Variants in RASAL2 observed in about 807,000 individuals in gnomAD.
The protein encoded by RASAL2 is RAS protein activator like 2, also known as ras GTPase-activating protein nGAP.
A neutral mutation model predicts 128.9 loss-of-function variants in RASAL2; 58 were observed. That is an observed-to-expected ratio of 0.45 (90% CI 0.36 to 0.56). The LOEUF (loss-of-function observed/expected upper bound fraction) is 0.56, where lower values mean the gene tolerates loss of function less well. RASAL2 is among the 20% of genes least tolerant of loss of function. The pLI, the probability that RASAL2 is intolerant of heterozygous loss-of-function variation, is 0.00. For synonymous variants in RASAL2, 561 were observed against 580.8 expected, an observed-to-expected ratio of 0.97 and a Z score of 0.49; for missense variants, 1,360 against 1,601.6, an observed-to-expected ratio of 0.85 and a Z score of 2.57.
chr1:178,264,362 A>G (rs1665842473), intron 1 of RASAL2, among the ~76,000 whole-genome samples: 1 of 152,178 alleles, frequency 6.6e-6, no homozygotes, highest in African/African-American at 2.4e-5. Flanking sequence ...AGATAGACTT[A>G]TACAGTTTTA....
chr1:178,284,411 T>G (rs184163178), intron 2 of RASAL2, among the ~76,000 whole-genome samples: 1 of 152,316 alleles, frequency 6.6e-6, no homozygotes, highest in East Asian at 1.9e-4. Flanking sequence ...AAGATTGCTT[T>G]TTGATGTATT....
chr1:178,328,470 G>T (rs557692511), intron 3 of RASAL2, among the ~76,000 whole-genome samples: 1 of 152,034 alleles, frequency 6.6e-6, no homozygotes, highest in Non-Finnish European at 1.5e-5. Flanking sequence ...TTACTTTGTT[G>T]TGCTATCAAA....
At chr1:178,245,786 G>T (rs576410072) in intron 1 of RASAL2, among the ~76,000 whole-genome samples, 1 of 152,098 alleles carries the variant, frequency 6.6e-6, no homozygotes, top group Admixed American at 6.6e-5. Flanking sequence ...TTCTGCATAC[G>T]GCTAGCCAGT....
intron 4 of RASAL2, among the ~76,000 whole-genome samples, chr1:178,408,998 G>A (rs751774611): frequency 6.6e-6 from 1 of 152,138 alleles, no homozygotes; most frequent in Non-Finnish European, 1.5e-5. Context: ...CAGTTCCACA[G>A]CCTTAACAGG....
At chr1:178,134,824 A>G (rs1267244616) in intron 1 of RASAL2, among the ~76,000 whole-genome samples, 1 of 152,250 alleles carries the variant, frequency 6.6e-6, no homozygotes, top group East Asian at 1.9e-4. Flanking sequence ...ATCACTGGCT[A>G]CCAAGAGTTG....
In RASAL2 at chr1:178,458,449, G is replaced by T. The variant is rs749699363; in HGVS notation, c.3157G>T (p.Val1053Leu). The T allele has an allele frequency of 6.2e-7, 1 of 1,614,220 alleles. No homozygotes were observed. Among genetic ancestry groups the T allele is most frequent in the East Asian group, 2.2e-5 (1 of 44,876 alleles). ...GTCCGCAGCCCTGGTGGCCGAACCT[G>T]TGCAGAATGGGAGCCGGTCCCGGCA... ...VVSAALVAEP[V>L]QNGSRSRQQS... The change falls in exon 14 of 18, where the codon GTG (valine) becomes TTG (leucine). Residue 1053 changes from valine (V) to leucine (L), a missense_variant. Physicochemically the swap from Val to Leu is conservative, Grantham distance 32 (BLOSUM62 1). Coordinates refer to ENST00000367649, the MANE Select transcript of RASAL2 (RefSeq NM_170692.4).
intron 2 of RASAL2, among the ~76,000 whole-genome samples, chr1:178,286,029 C>T (rs1667008075): frequency 6.6e-6 from 1 of 152,136 alleles, no homozygotes; most frequent in African/African-American, 2.4e-5. Context: ...TCATGAGTAA[C>T]CCTAAACACC....
intron 3 of RASAL2, among the ~76,000 whole-genome samples, chr1:178,304,385 T>C (rs952698520): frequency 6.6e-6 from 1 of 152,200 alleles, no homozygotes; most frequent in Middle Eastern, 3.4e-3. Flanking sequence ...TAGCCAGGCA[T>C]GGTGGCACAC....
At chr1:178,105,036 G>A (rs1444350902) in intron 1 of RASAL2, among the ~76,000 whole-genome samples, 1 of 152,176 alleles carries the variant, frequency 6.6e-6, no homozygotes, top group African/African-American at 2.4e-5. Context: ...TTTTGAACAT[G>A]ATTTGAATAT....
rs753532224 is a variant in RASAL2 at position 178,457,829 on chromosome 1, G to A, written c.2537G>A (p.Arg846Gln). The change falls in exon 14 of 18, where the codon CGG (arginine) becomes CAG (glutamine). Residue 846 changes from arginine (R) to glutamine (Q), a missense_variant. Physicochemically the swap from Arg to Gln is conservative, Grantham distance 43 (BLOSUM62 1). Transcript: ENST00000367649. ...AGGGAAAGTAGCCTTCCTAATGGTC[G>A]GAGCGTCTCCCTCATGGACCTCCAG... ...DERESSLPNGRSVSLMDLQDT... is the reference protein window; with the variant it reads ...DERESSLPNGQSVSLMDLQDT... 2.7e-5 allele frequency: 43 copies of A among 1,614,060 alleles called. No individual in the cohort carries two copies. The highest frequency in any genetic ancestry group is 2.9e-5 in the Non-Finnish European group (34 of 1,180,042).
At chr1:178,446,501 T>G (rs1390036946) in intron 9 of RASAL2, among the ~76,000 whole-genome samples, 1 of 152,230 alleles carries the variant, frequency 6.6e-6, no homozygotes, top group Non-Finnish European at 1.5e-5. Context: ...CAAATACTAT[T>G]TAATGGTTTA....
intron 1 of RASAL2, among the ~76,000 whole-genome samples, chr1:178,221,026 T>C (rs1663596527): frequency 6.6e-6 from 1 of 152,214 alleles, no homozygotes. Flanking sequence ...TGTACCATTT[T>C]TGTGTTCCCA....
At chr1:178,413,281 G>T (rs766948219) in intron 4 of RASAL2, among the ~76,000 whole-genome samples, 13 of 152,116 alleles carry the variant, frequency 8.5e-5, no homozygotes, top group Non-Finnish European at 1.6e-4. Context: ...TCTTAACAAG[G>T]TCTGCTCTCA....
intron 17 of RASAL2, among the ~76,000 whole-genome samples, chr1:178,468,537 G>A (rs1647964001): frequency 1.3e-5 from 2 of 152,190 alleles, no homozygotes; most frequent in Non-Finnish European, 2.9e-5. Flanking sequence ...GTCGTGGAAA[G>A]AATGCTTCAT....
intron 1 of RASAL2, among the ~76,000 whole-genome samples, chr1:178,108,172 G>A (rs1287974834): frequency 6.6e-6 from 1 of 151,814 alleles, no homozygotes; most frequent in Non-Finnish European, 1.5e-5. Context: ...ATCCCATTGT[G>A]GTTTTTATTT....
At chr1:178,469,072 C>G (rs570869613) in intron 17 of RASAL2, among the ~76,000 whole-genome samples, 1 of 151,976 alleles carries the variant, frequency 6.6e-6, no homozygotes, top group Non-Finnish European at 1.5e-5. Context: ...CTGAGGCAGG[C>G]GGATTGCTTG....
chr1:178,345,855 C>G (rs1289832800), intron 3 of RASAL2, among the ~76,000 whole-genome samples: 1 of 152,180 alleles, frequency 6.6e-6, no homozygotes, highest in Non-Finnish European at 1.5e-5. Flanking sequence ...AGTCTATTAA[C>G]AGGGAAGGAT....
chr1:178,200,871 GC>G (rs1662840101), intron 1 of RASAL2, among the ~76,000 whole-genome samples: 1 of 152,124 alleles, frequency 6.6e-6, no homozygotes, highest in African/African-American at 2.4e-5. Flanking sequence ...CCCAACCCAT[GC>G]TGCCATCATC....
chr1:178,295,786 A>C (rs1340193415), intron 2 of RASAL2, among the ~76,000 whole-genome samples: 1 of 152,156 alleles, frequency 6.6e-6, no homozygotes, highest in Non-Finnish European at 1.5e-5. Context: ...TGCCTTAAGG[A>C]AATAAGAAAG....
Sources: gnomAD v4.1 joint callset for allele counts (sites outside exome capture counted in the v4.1 genomes callset) on GRCh38, gnomAD v4.1.1 for gene constraint, MANE v1.5 for transcripts, NCBI Gene and HGNC (gene_info 2026-07-23, HGNC 2026-07-21) for gene names.